PELI2: variants seen among roughly 807,000 people sequenced by gnomAD.
PELI2 encodes the protein E3 ubiquitin-protein ligase pellino homolog 2.
A neutral mutation model predicts 42.3 loss-of-function variants in PELI2; 23 were observed. The observed-to-expected ratio is 0.54, with a 90% CI of 0.39 to 0.77. The LOEUF is 0.77. PELI2 is among the 30% of genes least tolerant of loss of function. The pLI is 0.00. For synonymous variants in PELI2, 245 were observed against 212.2 expected, an observed-to-expected ratio of 1.15 and a Z score of -1.34; for missense variants, 463 against 553.2, an observed-to-expected ratio of 0.84 and a Z score of 1.64.
chr14:56,279,895 TA>T, intron 3 of PELI2, 118 bp downstream of exon 3: 1 of 440,278 alleles, frequency 2.3e-6, no homozygotes, highest in South Asian at 6.1e-5. Context: ...GAAGATAATA[TA>T]AAAATTATTC....
At chr14:56,138,678 C>T (rs888466622) in intron 1 of PELI2, among the ~76,000 whole-genome samples, 1 of 152,162 alleles carries the variant, frequency 6.6e-6, no homozygotes, top group Admixed American at 6.5e-5. Context: ...GAGGTTTCAT[C>T]CACCAAGCCT....
Position 56,297,250 on chromosome 14 carries a change from G to A in PELI2, c.*84G>A. 1 of 885,538 alleles carries A rather than the reference G, an allele frequency of 1.1e-6. No individual in the cohort carries two copies. The highest frequency in any genetic ancestry group is 1.7e-6 in the Non-Finnish European group (1 of 577,704). The allele number at this position is 885,538 out of a possible 1,614,324, so 54.9% of individuals were successfully genotyped here. On this transcript the variant is annotated 3_prime_UTR_variant, in exon 6 of 6. Coordinates refer to ENST00000267460, the MANE Select transcript of PELI2 (RefSeq NM_021255.3). ...ACTCTAGATTTTACCTTTTTGTAATGCTGTTTATCAGAGGAGGGTGACAGG... is the reference window on the plus strand; with the variant it reads ...ACTCTAGATTTTACCTTTTTGTAATACTGTTTATCAGAGGAGGGTGACAGG...
chr14:56,168,756 G>T (rs1463649836), intron 1 of PELI2, among the ~76,000 whole-genome samples: 1 of 152,008 alleles, frequency 6.6e-6, no homozygotes, highest in Non-Finnish European at 1.5e-5. Context: ...TTGCCCCATA[G>T]CTACCACAGC....
chr14:56,119,744 CTT>C (rs1489959267), intron 1 of PELI2: 1 of 974,828 alleles, frequency 1.0e-6, no homozygotes, highest in Non-Finnish European at 1.2e-6. Flanking sequence ...GAAGGAACAA[CTT>C]GGGTTTAGTG....
intron 2 of PELI2, among the ~76,000 whole-genome samples, chr14:56,232,178 G>T (rs144921003): frequency 6.6e-6 from 1 of 152,164 alleles, no homozygotes; most frequent in East Asian, 1.9e-4. Flanking sequence ...TCTACCAGAG[G>T]TACAAAGAGG....
At position 56,288,711 on chromosome 14, in the gene PELI2, A is replaced by AT. The variant is rs1448357959; in HGVS notation, c.507+77_507+78insT. 1 of 1,218,368 alleles carries AT rather than the reference A, an allele frequency of 8.2e-7. No homozygotes were observed. The highest frequency in any genetic ancestry group is 2.6e-5 in the East Asian group (1 of 38,994). The allele number at this position is 1,218,368 out of a possible 1,614,324, so 75.5% of individuals were successfully genotyped here. A position where few individuals can be genotyped will look rare whatever the true frequency, so the allele number is the denominator to read the frequency against. On this transcript the variant is annotated intron_variant, in intron 4 of 5. Coordinates refer to ENST00000267460, the MANE Select transcript of PELI2 (RefSeq NM_021255.3). This position sits in a 1 kb window ranked among gnomAD's most constrained non-coding sequence, Gnocchi z 4.6. ...ATATGGAACATTTAATTGGAGCAAA[A>AT]AAAAATTGGCTTTGTATGTTGCCTC... is the stretch of plus-strand genomic sequence containing the variant.
Position 56,123,381 on chromosome 14 carries a change from C to T in PELI2, c.77+4644C>T, listed in dbSNP as rs909464721. Reference sequence around the variant, plus strand: ...TAGTATCTTTTATAGACTAAAAGGTCTTTGAACTTTAAAAAAATTTATAAA... The same window carrying T: ...TAGTATCTTTTATAGACTAAAAGGTTTTTGAACTTTAAAAAAATTTATAAA... On this transcript the variant is annotated intron_variant, in intron 1 of 5. Transcript: ENST00000267460. Among the ~76,000 whole-genome samples, 7 of 152,114 alleles carry T rather than the reference C, an allele frequency of 4.6e-5. No individual in the cohort carries two copies. In the South Asian group the frequency reaches 1.0e-3, roughly 23 times the overall value.
chr14:56,137,046 G>A (rs1185473034), intron 1 of PELI2, among the ~76,000 whole-genome samples: 1 of 152,184 alleles, frequency 6.6e-6, no homozygotes, highest in East Asian at 1.9e-4. Flanking sequence ...TTGCTTGGGT[G>A]TTACTGAAAC....
At chr14:56,248,139 T>G (rs1404360050) in intron 2 of PELI2, among the ~76,000 whole-genome samples, 1 of 152,144 alleles carries the variant, frequency 6.6e-6, no homozygotes, top group Non-Finnish European at 1.5e-5. Flanking sequence ...AATATTTGGG[T>G]TGATTTAAAC....
Position 56,236,592 on chromosome 14 carries a change from T to G in PELI2, c.208-43084T>G, listed in dbSNP as rs78708209. ...CTTTTACTCATGGTGCATTGGTTTT[T>G]GTATTTTTATTTTTTTATTATGAGT... On this transcript the variant is annotated intron_variant, in intron 2 of 5. Coordinates refer to ENST00000267460, the MANE Select transcript of PELI2 (RefSeq NM_021255.3). Among the ~76,000 whole-genome samples, 1,082 of 152,312 alleles carry G rather than the reference T, an allele frequency of 7.1e-3. 19 individuals are homozygous for G. The highest frequency in any genetic ancestry group is 0.024 in the African/African-American group (1,011 of 41,572).
chr14:56,142,110 C>T (rs1008310196), intron 1 of PELI2, among the ~76,000 whole-genome samples: 5 of 152,098 alleles, frequency 3.3e-5, no homozygotes, highest in East Asian at 1.9e-4. Context: ...CTTCAGATAG[C>T]GACACTGATC....
chr14:56,121,268 TC>T (rs539780018), intron 1 of PELI2, among the ~76,000 whole-genome samples: 128 of 152,166 alleles, frequency 8.4e-4, no homozygotes, highest in African/African-American at 2.9e-3. Flanking sequence ...TATGTGACTG[TC>T]CTTTTTGCTC....
chr14:56,191,058 C>A (rs945743180), intron 2 of PELI2, among the ~76,000 whole-genome samples: 1 of 152,152 alleles, frequency 6.6e-6, no homozygotes, highest in Non-Finnish European at 1.5e-5. Context: ...CCGATGCCAC[C>A]CCTTTTGTGA....
intron 2 of PELI2, among the ~76,000 whole-genome samples, chr14:56,184,145 G>A (rs1885686346): frequency 6.6e-6 from 1 of 152,064 alleles, no homozygotes; most frequent in African/African-American, 2.4e-5. Flanking sequence ...GAATATTCAT[G>A]TTAATGGACA....
rs1349977857 is a variant in PELI2 at position 56,296,887 on chromosome 14, G to A, written c.984G>A (p.Thr328=). 16 of 1,614,036 alleles carry A rather than the reference G, an allele frequency of 9.9e-6. No homozygotes were observed. The highest frequency in any genetic ancestry group is 4.5e-5 in the East Asian group (2 of 44,874). The change falls in exon 6 of 6, where the codon ACG becomes ACA. Residue 328 remains threonine (T), a synonymous_variant. Coordinates refer to ENST00000267460, the MANE Select transcript of PELI2 (RefSeq NM_021255.3). ...GYHNWGHRSD[T]EANERECPMC... Reference sequence around the variant, plus strand: ...ACAACTGGGGCCATCGGAGTGACACGGAGGCCAACGAGAGGGAGTGTCCCA... The same window carrying A: ...ACAACTGGGGCCATCGGAGTGACACAGAGGCCAACGAGAGGGAGTGTCCCA...
At chr14:56,137,904 C>A (rs948492067) in intron 1 of PELI2, among the ~76,000 whole-genome samples, 1 of 152,202 alleles carries the variant, frequency 6.6e-6, no homozygotes, top group Non-Finnish European at 1.5e-5. Flanking sequence ...AGCTTGCTTG[C>A]TCTGGGCTGT....
chr14:56,256,210 T>TTGAGCCC (rs1389444199), intron 2 of PELI2, among the ~76,000 whole-genome samples: 3 of 151,952 alleles, frequency 2.0e-5, no homozygotes, highest in Admixed American at 2.0e-4. Context: ...GGAGGATCAT[T>TTGAGCCC]TGAGCCCAAG....
At chr14:56,162,666 A>G (rs1352166407) in intron 1 of PELI2, among the ~76,000 whole-genome samples, 2 of 152,142 alleles carry the variant, frequency 1.3e-5, no homozygotes, top group African/African-American at 2.4e-5. Context: ...CTCAATTTTT[A>G]GTTTTTTGAG....
At chr14:56,233,462 C>T (rs892194842) in intron 2 of PELI2, among the ~76,000 whole-genome samples, 4 of 152,136 alleles carry the variant, frequency 2.6e-5, no homozygotes, top group Non-Finnish European at 5.9e-5. Flanking sequence ...ACATCTACAA[C>T]CATCTGATCT....
Sources: gnomAD v4.1 joint callset for allele counts (sites outside exome capture counted in the v4.1 genomes callset) on GRCh38, gnomAD v4.1.1 for gene constraint, Gnocchi (gnomAD v3.1) non-coding constraint, MANE v1.5 for transcripts, NCBI Gene and HGNC (gene_info 2026-07-23, HGNC 2026-07-21) for gene names.